EMILIN2: variants seen among roughly 807,000 people sequenced by gnomAD.
The protein encoded by EMILIN2 is EMILIN-2.
In EMILIN2, 71 loss-of-function variants were observed where a neutral mutation model predicts 87.1. That is an observed-to-expected ratio of 0.82 (90% confidence interval 0.67 to 0.99). The LOEUF (loss-of-function observed/expected upper bound fraction) is 0.99, where lower values mean the gene tolerates loss of function less well. Among genes scored for constraint, EMILIN2 ranks in the 50% least tolerant of loss-of-function variants. The pLI, the probability that EMILIN2 is intolerant of heterozygous loss-of-function variation, is 0.00. For missense variants in EMILIN2, 1,407 were observed against 1,371.8 expected (o/e 1.03, Z -0.40); for synonymous variants, 581 against 563.4 (o/e 1.03, Z -0.44).
chr18:2,872,117 T>C (rs1255205506), intron 2 of EMILIN2, among the ~76,000 whole-genome samples: 2 of 152,218 alleles, frequency 1.3e-5, no homozygotes, highest in Non-Finnish European at 2.9e-5. Context: ...ATAGTTTCCA[T>C]ATCAGTATAA....
intron 2 of EMILIN2, among the ~76,000 whole-genome samples, chr18:2,850,281 G>A (rs999407707): frequency 1.3e-5 from 2 of 151,862 alleles, no homozygotes; most frequent in African/African-American, 4.8e-5. Flanking sequence ...GACAAAGGAA[G>A]GAGCCTTCTT....
chr18:2,872,594 G>A (rs1330455064), intron 2 of EMILIN2, among the ~76,000 whole-genome samples: 1 of 152,178 alleles, frequency 6.6e-6, no homozygotes, highest in Non-Finnish European at 1.5e-5. Flanking sequence ...GTAGGTTCTA[G>A]TTAAATCAAC....
chr18:2,909,773 T>C lies in EMILIN2; in HGVS notation c.2778T>C (p.Phe926=). 2 of 1,613,100 alleles carry C rather than the reference T, an allele frequency of 1.2e-6. No individual in the cohort carries two copies. Among genetic ancestry groups the C allele is most frequent in the Non-Finnish European group, 1.7e-6 (2 of 1,179,702 alleles). Residue 926 remains phenylalanine, a synonymous_variant, in exon 7 of 8, where the codon TTT becomes TTC. Coordinates refer to ENST00000254528, the MANE Select transcript of EMILIN2 (RefSeq NM_032048.3). The part of the protein sequence containing the change: ...PFPSDGGVVL[F]NKVLVNDGDV... ...CCAGTGATGGGGGCGTTGTCCTCTT[T>C]AACAAAGTGCTGGTGAACGACGGGG...
At chr18:2,875,464 T>C (rs1353581829) in intron 2 of EMILIN2, among the ~76,000 whole-genome samples, 1 of 152,028 alleles carries the variant, frequency 6.6e-6, no homozygotes, top group Non-Finnish European at 1.5e-5. Context: ...TAGAATGTAT[T>C]TGGCTGAAAC....
At chr18:2,859,089 G>A (rs1328799350) in intron 2 of EMILIN2, among the ~76,000 whole-genome samples, 2 of 152,130 alleles carry the variant, frequency 1.3e-5, no homozygotes, top group Non-Finnish European at 2.9e-5. Context: ...ACCCGGTAGT[G>A]GGGTTGCTGG....
chr18:2,849,442 T>A (rs2076592575), intron 2 of EMILIN2, among the ~76,000 whole-genome samples: 3 of 152,180 alleles, frequency 2.0e-5, no homozygotes, highest in African/African-American at 7.2e-5. Flanking sequence ...AGATGGCTTG[T>A]TTTTATTTTC....
intron 2 of EMILIN2, among the ~76,000 whole-genome samples, chr18:2,868,699 G>A (rs1352206827): frequency 6.6e-6 from 1 of 152,254 alleles, no homozygotes; most frequent in African/African-American, 2.4e-5. Context: ...GGCAGGCTGA[G>A]GCAGGAGAAT....
chr18:2,910,501 C>A (rs1377281603), intron 7 of EMILIN2, among the ~76,000 whole-genome samples: 1 of 152,178 alleles, frequency 6.6e-6, no homozygotes, highest in Non-Finnish European at 1.5e-5. Context: ...GAAACAGGGT[C>A]CAGGGGTGCC....
At chr18:2,879,118 C>T (rs962754599) in intron 2 of EMILIN2, among the ~76,000 whole-genome samples, 2 of 151,942 alleles carry the variant, frequency 1.3e-5, no homozygotes. Context: ...GAATGGATGT[C>T]GGGGGAGAGA....
intron 2 of EMILIN2, among the ~76,000 whole-genome samples, chr18:2,868,791 A>AGGAGAGGGAGAG (rs775873942): frequency 1.1e-4 from 16 of 152,222 alleles, no homozygotes; most frequent in Admixed American, 6.5e-4. Context: ...CCGTGGAAAG[A>AGGAGAGGGAGAG]GGAGAGGGAG....
chr18:2,899,845 C>T (rs1206124475), intron 4 of EMILIN2, among the ~76,000 whole-genome samples: 1 of 152,218 alleles, frequency 6.6e-6, no homozygotes, highest in East Asian at 1.9e-4. Flanking sequence ...ATTCCAAGAG[C>T]TGCTGATGCT....
In EMILIN2 at chr18:2,847,459, C is replaced by T. The variant is rs972676913; in HGVS notation, c.134+137C>T. The T allele has an allele frequency of 2.0e-6, 2 of 1,003,760 alleles. No homozygotes were observed. The highest frequency in any genetic ancestry group is 1.7e-5 in the African/African-American group (1 of 58,476). The allele number at this position is 1,003,760 out of a possible 1,614,324, so 62.2% of individuals were successfully genotyped here. ...GGACTTCCCCGGGCGGCTCCCTCTG[C>T]GGGGGACCGCGCGCTCCGCAGCCGG... On this transcript the variant is annotated intron_variant, in intron 1 of 7. Coordinates refer to ENST00000254528, the MANE Select transcript of EMILIN2 (RefSeq NM_032048.3). This position sits in a 1 kb window ranked among gnomAD's most constrained non-coding sequence, Gnocchi z 4.5.
intron 2 of EMILIN2, among the ~76,000 whole-genome samples, chr18:2,862,950 G>T (rs2076668400): frequency 1.3e-5 from 2 of 152,168 alleles, no homozygotes; most frequent in East Asian, 3.9e-4. Flanking sequence ...TTAGTCTTGG[G>T]AGGGCATATG....
In EMILIN2 at chr18:2,847,873, T is replaced by G; in HGVS notation, c.199T>G (p.Phe67Val). The change falls in exon 2 of 8, where the codon TTT becomes GTT. Residue 67 changes from phenylalanine to valine, a missense_variant. Transcript: ENST00000254528. The surrounding 1 kb of genome is among the most constrained non-coding windows in gnomAD (Gnocchi z 4.5). ...SCSVLEGSES[F>V]IQAQYNCAWN... is the part of the protein sequence containing the mutation. Reference sequence around the variant, plus strand: ...CTCCGTGCTGGAGGGAAGTGAGAGTTTTATTCAGGCTCAGTACAACTGTGC... The same window carrying G: ...CTCCGTGCTGGAGGGAAGTGAGAGTGTTATTCAGGCTCAGTACAACTGTGC... The G allele has an allele frequency of 6.2e-7, 1 of 1,613,608 alleles. No individual in the cohort carries two copies.
chr18:2,908,550 A>G (rs961257523), intron 5 of EMILIN2, among the ~76,000 whole-genome samples: 3 of 152,210 alleles, frequency 2.0e-5, no homozygotes, highest in East Asian at 3.8e-4. Flanking sequence ...CCTCCATTTA[A>G]TAAGTACTGC....
At chr18:2,858,858 A>G (rs1233212143) in intron 2 of EMILIN2, among the ~76,000 whole-genome samples, 1 of 150,940 alleles carries the variant, frequency 6.6e-6, no homozygotes, top group Non-Finnish European at 1.5e-5. Context: ...CTGGTCTCGA[A>G]CTCCTGACCT....
At chr18:2,907,234 C>T (rs1319961712) in intron 5 of EMILIN2, 149 bp downstream of exon 5, 1 of 897,762 alleles carries the variant, frequency 1.1e-6, no homozygotes, top group Non-Finnish European at 1.5e-6. Context: ...TGCCGAGGCC[C>T]GAGGGACCGC....
chr18:2,890,590 A>G lies in EMILIN2; in HGVS notation c.463A>G (p.Arg155Gly). The part of the protein sequence containing the change: ...DNEPSQFSEP[R>G]KTLSPTGTAQ... ...TGAACCCAGCCAATTCTCAGAGCCCAGGAAGACTTTGTCCCCAACTGGTAC... is the reference window on the plus strand; with the variant it reads ...TGAACCCAGCCAATTCTCAGAGCCCGGGAAGACTTTGTCCCCAACTGGTAC... Residue 155 changes from arginine (R) to glycine (G), a missense_variant, in exon 4 of 8, where the codon AGG (arginine) becomes GGG (glycine). Coordinates refer to ENST00000254528, the MANE Select transcript of EMILIN2 (RefSeq NM_032048.3). This position sits in a 1 kb window ranked among gnomAD's most constrained non-coding sequence, Gnocchi z 4.7. 6.3e-7 allele frequency: 1 copy of G among 1,589,586 alleles called. No individual in the cohort carries two copies. Among genetic ancestry groups the G allele is most frequent in the South Asian group, 1.1e-5 (1 of 89,936 alleles).
rs1443123309 is a variant in EMILIN2, at chr18:2,914,527, G to A, written c.*1123G>A. 3 of 152,176 alleles carry A rather than the reference G, an allele frequency of 2.0e-5. No homozygotes were observed. Among genetic ancestry groups the A allele is most frequent in the Non-Finnish European group, 4.4e-5 (3 of 68,036 alleles). The allele number at this position is 152,176 out of a possible 1,614,324, so 9.4% of individuals were successfully genotyped here. ...CACACAGCGAGACGCCTCCACTGAGGGGAGGCCCGGGAGTATCAATCTGTC... is the reference window on the plus strand; with the variant it reads ...CACACAGCGAGACGCCTCCACTGAGAGGAGGCCCGGGAGTATCAATCTGTC... On this transcript the variant is annotated 3_prime_UTR_variant, in exon 8 of 8. Coordinates refer to ENST00000254528, the MANE Select transcript of EMILIN2 (RefSeq NM_032048.3).
Sources: allele counts gnomAD v4.1 joint callset (sites outside exome capture counted in the v4.1 genomes callset), GRCh38; gene constraint gnomAD v4.1.1; non-coding constraint Gnocchi (gnomAD v3.1); transcripts MANE v1.5; gene names NCBI Gene and HGNC (gene_info 2026-07-23, HGNC 2026-07-21).